Variants in GSPT1 observed in about 807,000 individuals in gnomAD.
The protein encoded by GSPT1 is G1 to S phase transition 1.
In GSPT1, 20 loss-of-function variants were observed where a neutral mutation model predicts 72.5. The observed-to-expected ratio is 0.28, with a 90% CI of 0.19 to 0.40. The LOEUF is 0.40. Ranked by LOEUF, GSPT1 falls within the 10% of genes least tolerant of loss-of-function variation. The pLI is 1.00. For missense variants in GSPT1, 580 were observed against 811.9 expected, an observed-to-expected ratio of 0.71 and a Z score of 3.47; for synonymous variants, 334 against 293.5, an observed-to-expected ratio of 1.14 and a Z score of -1.41.
At chr16:11,904,276 T>C (rs397335) in intron 1 of GSPT1, 152,368 of 152,368 alleles carry the variant, frequency 1, 76,184 homozygotes, top group Non-Finnish European at 1. Context: ...AATCTCGGCT[T>C]ACTGCAACCT....
Position 11,894,975 on chromosome 16 carries a change from G to T in GSPT1, c.677C>A (p.Ser226Ter), listed in dbSNP as rs1353493045. ...TTACATTATTTGTCCTCCAATGGTT[G>T]ACTTGCCAGCATCTAAAAGTAACAT... is the stretch of plus-strand genomic sequence containing the variant. ...VFIGHVDAGK[S>*]TIGGQIMYLT... The change falls in exon 5 of 15, where the codon TCA becomes TAA. Residue 226 changes from serine (S) to a stop codon, truncating the protein, a stop_gained. Coordinates refer to ENST00000434724, the MANE Select transcript of GSPT1 (RefSeq NM_002094.4). LOFTEE classifies it high-confidence loss of function. The T allele has an allele frequency of 1.3e-6, 2 of 1,589,544 alleles. No individual in the cohort carries two copies. The highest frequency in any genetic ancestry group is 2.3e-5 in the South Asian group (2 of 88,124).
Position 11,915,837 on chromosome 16 carries a change from A to G in GSPT1, c.-117T>C, listed in dbSNP as rs2054629882. The G allele has an allele frequency of 6.7e-7, 1 of 1,489,910 alleles. No homozygotes were observed. Among genetic ancestry groups the G allele is most frequent in the African/African-American group, 1.4e-5 (1 of 71,886 alleles). 92.3% of individuals were successfully genotyped at this position (1,489,910 alleles called of 1,614,324 possible). On this transcript the variant is annotated 5_prime_UTR_variant, in exon 1 of 15. Coordinates refer to ENST00000434724, the MANE Select transcript of GSPT1 (RefSeq NM_002094.4). ...AAGGCGGCGGGGCAGAAGGGCCGGG[A>G]GCTAGCGACAAAGATCCCCGGCGTC... is the stretch of plus-strand genomic sequence containing the variant.
chr16:11,913,573 T>C (rs2054587389), intron 1 of GSPT1, among the ~76,000 whole-genome samples: 1 of 152,182 alleles, frequency 6.6e-6, no homozygotes, highest in African/African-American at 2.4e-5. Context: ...AGGTTGGTTA[T>C]CCCCGGATGA....
chr16:11,868,263 C>G lies in GSPT1; in HGVS notation c.*4856G>C, dbSNP rs865936399. ...TCAGGCACAGTAGGTAGCTACAAAT[C>G]GTAAGAAAAAGCTTTCTTTCCTACC... On this transcript the variant is annotated 3_prime_UTR_variant, in exon 15 of 15. Transcript: ENST00000434724. 1 of 151,802 alleles carries G rather than the reference C, an allele frequency of 6.6e-6. No homozygotes were observed. The highest frequency in any genetic ancestry group is 1.5e-5 in the Non-Finnish European group (1 of 67,994). The allele number at this position is 151,802 out of a possible 1,614,324, so 9.4% of individuals were successfully genotyped here. A position where few individuals can be genotyped will look rare whatever the true frequency, so the allele number is the denominator to read the frequency against.
At chr16:11,912,522 T>C (rs59148688) in intron 1 of GSPT1, among the ~76,000 whole-genome samples, 5,900 of 152,324 alleles carry the variant, frequency 0.039, 384 homozygotes, top group African/African-American at 0.13. Context: ...GCTGGTTTTA[T>C]TCCATGCTTG....
chr16:11,894,855 C>A, intron 5 of GSPT1, 99 bp downstream of exon 5: 2 of 698,748 alleles, frequency 2.9e-6, no homozygotes, highest in South Asian at 3.3e-5. Flanking sequence ...CTTTGGGGGA[C>A]CTGTTTTATC....
At chr16:11,895,764 T>C (rs940244210) in intron 4 of GSPT1, among the ~76,000 whole-genome samples, 1 of 152,128 alleles carries the variant, frequency 6.6e-6, no homozygotes, top group African/African-American at 2.4e-5. Context: ...GTAGCTGGGA[T>C]TACAGGCTCA....
At chr16:11,910,284 A>G (rs1180394367) in intron 1 of GSPT1, among the ~76,000 whole-genome samples, 1 of 152,118 alleles carries the variant, frequency 6.6e-6, no homozygotes, top group Non-Finnish European at 1.5e-5. Context: ...TACGTAAGGG[A>G]TTGCTGTTCT....
chr16:11,890,018 T>C (rs1429255588), intron 6 of GSPT1, among the ~76,000 whole-genome samples: 1 of 149,658 alleles, frequency 6.7e-6, no homozygotes, highest in Non-Finnish European at 1.5e-5. Flanking sequence ...TGGAGTGCAG[T>C]GGTGCAATCT....
intron 4 of GSPT1, among the ~76,000 whole-genome samples, chr16:11,896,355 T>C (rs1282112122): frequency 6.6e-6 from 1 of 152,228 alleles, no homozygotes; most frequent in Admixed American, 6.5e-5. Context: ...CCAGCATCTA[T>C]GCCGTTACAG....
intron 11 of GSPT1, among the ~76,000 whole-genome samples, chr16:11,878,946 G>A (rs996600507): frequency 2.6e-4 from 40 of 151,898 alleles, no homozygotes; most frequent in African/African-American, 7.2e-4. Context: ...CGTGGTGGCA[G>A]GCACCTGTAA....
At chr16:11,874,150 G>A (rs554919058) in intron 14 of GSPT1, among the ~76,000 whole-genome samples, 24 of 152,230 alleles carry the variant, frequency 1.6e-4, no homozygotes, top group African/African-American at 5.5e-4. Context: ...CAGGTGTAAG[G>A]TTTCTTTTTA....
At chr16:11,889,723 C>T (rs1241689955) in intron 6 of GSPT1, among the ~76,000 whole-genome samples, 1 of 151,892 alleles carries the variant, frequency 6.6e-6, no homozygotes, top group Non-Finnish European at 1.5e-5. Context: ...TCAGGCTGGT[C>T]TCGAACTCCT....
Position 11,869,329 on chromosome 16 carries a change from G to A in GSPT1, c.*3790C>T, listed in dbSNP as rs752328499. 6.6e-6 allele frequency: 1 copy of A among 152,080 alleles called. No individual in the cohort carries two copies. The highest frequency in any genetic ancestry group is 1.9e-4 in the East Asian group (1 of 5,186). The allele number at this position is 152,080 out of a possible 1,614,324, so 9.4% of individuals were successfully genotyped here. A position where few individuals can be genotyped will look rare whatever the true frequency, so the allele number is the denominator to read the frequency against. ...ATGCTGCCATGGCGAGATCTCTCAC[G>A]AAAGAAACAAGATCAAGGATGTACT... On this transcript the variant is annotated 3_prime_UTR_variant, in exon 15 of 15. Coordinates refer to ENST00000434724, the MANE Select transcript of GSPT1 (RefSeq NM_002094.4).
chr16:11,902,509 A>C lies in GSPT1; in HGVS notation c.353-4474T>G, dbSNP rs2054424522. Among the ~76,000 whole-genome samples, 6 of 152,212 alleles carry C rather than the reference A, an allele frequency of 3.9e-5. No individual in the cohort carries two copies. The South Asian group carries it at 1.2e-3, about 32-fold the overall frequency. ...ACTTGGTACATTACCACAAATTTTA[A>C]AACATGAAGTGAAGACTTTACCAGA... On this transcript the variant is annotated intron_variant, in intron 1 of 14. Coordinates refer to ENST00000434724, the MANE Select transcript of GSPT1 (RefSeq NM_002094.4).
In GSPT1 at chr16:11,877,591, A is replaced by G; in HGVS notation, c.1429-11T>C. 6.4e-7 allele frequency: 1 copy of G among 1,562,664 alleles called. No individual in the cohort carries two copies. Among genetic ancestry groups the G allele is most frequent in the Non-Finnish European group, 8.7e-7 (1 of 1,153,124 alleles). ...AACTTCCACGTTGTGCTTTAAAAGA[A>G]AACAAGACTGGAGGTTTTCTGACAC... On this transcript the variant is annotated splice_polypyrimidine_tract_variant and intron_variant, in intron 11 of 14. Coordinates refer to ENST00000434724, the MANE Select transcript of GSPT1 (RefSeq NM_002094.4). This position sits in a 1 kb window ranked among gnomAD's most constrained non-coding sequence, Gnocchi z 4.0.
chr16:11,908,040 G>C (rs1485120168), intron 1 of GSPT1, among the ~76,000 whole-genome samples: 1 of 151,254 alleles, frequency 6.6e-6, no homozygotes, highest in Admixed American at 6.6e-5. Flanking sequence ...TCAGGAGTGC[G>C]AGACCAGCCT....
At chr16:11,900,589 T>C (rs1039416479) in intron 1 of GSPT1, among the ~76,000 whole-genome samples, 1 of 152,072 alleles carries the variant, frequency 6.6e-6, no homozygotes, top group Non-Finnish European at 1.5e-5. Context: ...CTGCAGGCAT[T>C]TCCAAGTTAT....
At chr16:11,911,638 C>T (rs926993607) in intron 1 of GSPT1, among the ~76,000 whole-genome samples, 8 of 149,412 alleles carry the variant, frequency 5.4e-5, no homozygotes, top group Admixed American at 1.3e-4. Flanking sequence ...CTGCAACCTC[C>T]GCCTCCCAGA....
Sources: gnomAD v4.1 joint callset for allele counts (sites outside exome capture counted in the v4.1 genomes callset) on GRCh38, gnomAD v4.1.1 for gene constraint, Gnocchi (gnomAD v3.1) non-coding constraint, MANE v1.5 for transcripts, NCBI Gene and HGNC (gene_info 2026-07-23, HGNC 2026-07-21) for gene names.